TSHZ3: variants seen among roughly 807,000 people sequenced by gnomAD.
TSHZ3 encodes the protein teashirt homolog 3.
A neutral mutation model predicts 64.5 loss-of-function variants in TSHZ3; 10 were observed. The observed-to-expected ratio is 0.16, with a 90% CI of 0.10 to 0.26. The LOEUF (loss-of-function observed/expected upper bound fraction) is 0.26, where lower values mean the gene tolerates loss of function less well. Among genes scored for constraint, TSHZ3 ranks in the 10% least tolerant of loss-of-function variants. The probability of loss-of-function intolerance (pLI) is 1.00; values close to 1 mark genes in which losing one functional copy is unlikely to be tolerated. For missense variants in TSHZ3, 1,242 were observed against 1,421.7 expected, an observed-to-expected ratio of 0.87 and a Z score of 2.03; for synonymous variants, 608 against 593.1, an observed-to-expected ratio of 1.03 and a Z score of -0.36.
At chr19:31,225,090 G>A (rs770838732) in intron 4 of TSHZ3, among the ~76,000 whole-genome samples, 89 of 152,282 alleles carry the variant, frequency 5.8e-4, no homozygotes, top group Admixed American at 1.6e-3. Context: ...CCTGACTTCA[G>A]CAACCTCCTA....
chr19:31,214,630 C>T (rs895885945), intron 4 of TSHZ3, among the ~76,000 whole-genome samples: 15 of 152,248 alleles, frequency 9.9e-5, no homozygotes, highest in African/African-American at 3.1e-4. Flanking sequence ...TCAGGCAGGC[C>T]GGGCGTGGTG....
At chr19:31,306,441 G>A (rs1392144974) in intron 1 of TSHZ3, among the ~76,000 whole-genome samples, 3 of 152,198 alleles carry the variant, frequency 2.0e-5, no homozygotes, top group Admixed American at 1.3e-4. Context: ...ATCGCAAAAC[G>A]TGAGGTCTGT....
intron 5 of TSHZ3, among the ~76,000 whole-genome samples, chr19:31,159,712 A>T (rs901191565): frequency 2.6e-5 from 4 of 151,388 alleles, no homozygotes; most frequent in Admixed American, 6.6e-5. Flanking sequence ...TTTTTTTTTC[A>T]GATAGGTTCT....
intron 5 of TSHZ3, among the ~76,000 whole-genome samples, chr19:31,172,975 T>C (rs1298124014): frequency 6.6e-6 from 1 of 152,172 alleles, no homozygotes; most frequent in Non-Finnish European, 1.5e-5. Flanking sequence ...CAGAAGGTGA[T>C]GGGGCTAGAT....
intron 5 of TSHZ3, among the ~76,000 whole-genome samples, chr19:31,188,351 C>T (rs527308565): frequency 4.5e-4 from 68 of 151,688 alleles, no homozygotes; most frequent in Non-Finnish European, 8.1e-4. Flanking sequence ...TTTCCAAACC[C>T]GATGAATTTT....
At chr19:31,199,611 C>T (rs1158261001) in intron 5 of TSHZ3, among the ~76,000 whole-genome samples, 1 of 149,792 alleles carries the variant, frequency 6.7e-6, no homozygotes, top group Non-Finnish European at 1.5e-5. Flanking sequence ...AACCACTAAA[C>T]TCTTAGAAGA....
At chr19:31,283,702 C>T (rs1976404819) in intron 1 of TSHZ3, among the ~76,000 whole-genome samples, 1 of 152,224 alleles carries the variant, frequency 6.6e-6, no homozygotes, top group African/African-American at 2.4e-5. Flanking sequence ...TGTAAAGTCG[C>T]TTAATCTGGT....
intron 1 of TSHZ3, among the ~76,000 whole-genome samples, chr19:31,329,311 T>C (rs954345740): frequency 2.0e-5 from 3 of 152,208 alleles, no homozygotes; most frequent in Non-Finnish European, 2.9e-5. Context: ...ACTACTGAAA[T>C]GAAGGTGTCA....
intron 6 of TSHZ3, among the ~76,000 whole-genome samples, chr19:31,155,782 C>A (rs1447512066): frequency 2.0e-5 from 3 of 152,180 alleles, no homozygotes; most frequent in Admixed American, 1.3e-4. Context: ...GGTTTCCCTG[C>A]CCTAAATGCT....
Position 31,349,336 on chromosome 19 carries a change from C to A in TSHZ3, c.-117G>T, listed in dbSNP as rs1039033987. On this transcript the variant is annotated 5_prime_UTR_variant, in exon 1 of 2. Transcript: ENST00000240587. ...AGGCGGGCCTGCTCTCAGCCTCCCC[C>A]CCGGAGAGCGGCCGCCCGCAGGATG... 2.4e-5 allele frequency: 24 copies of A among 1,010,018 alleles called. No homozygotes were observed. The East Asian group carries it at 5.3e-4, about 22-fold the overall frequency. 62.6% of individuals were successfully genotyped at this position (1,010,018 alleles called of 1,614,324 possible). A position where few individuals can be genotyped will look rare whatever the true frequency, so the allele number is the denominator to read the frequency against.
At position 31,257,489 on chromosome 19, in the gene TSHZ3, T is replaced by A. The variant is rs117455326; in HGVS notation, n.64-14614A>T. ...GCCCAGCCAATCGAAGGACACACCATCAAATTCACCACTGCTGTGGGCAAT... is the reference window on the plus strand; with the variant it reads ...GCCCAGCCAATCGAAGGACACACCAACAAATTCACCACTGCTGTGGGCAAT... On this transcript the variant is annotated intron_variant and non_coding_transcript_variant, in intron 1 of 6. Coordinates refer to the TSHZ3 transcript ENST00000651361. Among the ~76,000 whole-genome samples the A allele has an allele frequency of 6.5e-3, 987 of 152,268 alleles. 7 individuals are homozygous for A. Among genetic ancestry groups the A allele is most frequent in the Non-Finnish European group, 0.01 (693 of 68,016 alleles).
intron 5 of TSHZ3, chr19:31,167,572 G>C (rs1336017221): frequency 6.6e-6 from 1 of 152,166 alleles, no homozygotes; most frequent in African/African-American, 2.4e-5. Flanking sequence ...GCCAAAGAAA[G>C]AGCAACAGGA....
At chr19:31,258,138 T>C (rs1975936724) in intron 1 of TSHZ3, among the ~76,000 whole-genome samples, 1 of 152,050 alleles carries the variant, frequency 6.6e-6, no homozygotes, top group South Asian at 2.1e-4. Context: ...GGAGCTGGGG[T>C]TCAGACCCAT....
intron 5 of TSHZ3, among the ~76,000 whole-genome samples, chr19:31,161,586 G>C (rs149799504): frequency 6.6e-6 from 1 of 152,230 alleles, no homozygotes; most frequent in East Asian, 1.9e-4. Flanking sequence ...CATAAGAGAT[G>C]TTCTCTGAGT....
At chr19:31,329,946 GAA>G (rs1422169506) in intron 1 of TSHZ3, among the ~76,000 whole-genome samples, 1 of 151,912 alleles carries the variant, frequency 6.6e-6, no homozygotes, top group African/African-American at 2.4e-5. Flanking sequence ...CATTCTAATG[GAA>G]AAAAGAGCGC....
intron 4 of TSHZ3, among the ~76,000 whole-genome samples, chr19:31,226,026 C>T (rs1975455325): frequency 6.6e-6 from 1 of 151,838 alleles, no homozygotes; most frequent in South Asian, 2.1e-4. Context: ...ACTTGGGAAG[C>T]TGAGGCAGGA....
chr19:31,177,367 C>T (rs1312952964), intron 5 of TSHZ3, among the ~76,000 whole-genome samples: 1 of 152,212 alleles, frequency 6.6e-6, no homozygotes, highest in Non-Finnish European at 1.5e-5. Context: ...GTGGTGTCAG[C>T]ATGGTTGCCC....
chr19:31,306,631 G>A (rs1380781790), intron 1 of TSHZ3, among the ~76,000 whole-genome samples: 1 of 152,124 alleles, frequency 6.6e-6, no homozygotes, highest in Non-Finnish European at 1.5e-5. Context: ...CACAGAACCT[G>A]GGTCTCTGCC....
intron 3 of TSHZ3, among the ~76,000 whole-genome samples, chr19:31,241,264 A>T (rs1975685024): frequency 6.6e-6 from 1 of 152,184 alleles, no homozygotes; most frequent in Admixed American, 6.5e-5. Flanking sequence ...AGCCCCTCTA[A>T]TTTGACAGGA....
Sources: allele counts gnomAD v4.1 joint callset (sites outside exome capture counted in the v4.1 genomes callset), GRCh38; gene constraint gnomAD v4.1.1; transcripts MANE v1.5; gene names NCBI Gene and HGNC (gene_info 2026-07-23, HGNC 2026-07-21).